The following PAX3 variants were observed in gnomAD, a reference collection of about 807,000 sequenced individuals.
PAX3 encodes paired box 3.
PAX3 carries 14 observed loss-of-function variants against 51.6 expected under a neutral mutation model. The ratio of observed to expected loss-of-function variants is 0.27; its 90% CI spans 0.18 to 0.42. The LOEUF (loss-of-function observed/expected upper bound fraction) is 0.42, where lower values mean the gene tolerates loss of function less well. PAX3 is among the 10% of genes least tolerant of loss of function. PAX3 has a pLI of 1.00. For synonymous variants in PAX3, 280 were observed against 253.4 expected (o/e 1.11, Z -1.00); for missense variants, 540 against 642.8 (o/e 0.84, Z 1.73).
Position 222,298,858 on chromosome 2 carries a change from A to G in PAX3, c.-243T>C. The G allele has an allele frequency of 1.7e-6, 1 of 586,360 alleles. No individual in the cohort carries two copies. The allele number at this position is 586,360 out of a possible 1,614,324, so 36.3% of individuals were successfully genotyped here. A position where few individuals can be genotyped will look rare whatever the true frequency, so the allele number is the denominator to read the frequency against. On this transcript the variant is annotated 5_prime_UTR_variant, in exon 1 of 9. Transcript: ENST00000392070. ...TCCAGGATCCCGAGCCCAGGGCGGA[A>G]AAGTTTGGTACGAGTCTGGGCAAAT...
Position 222,295,590 on chromosome 2 carries a change from C to T in PAX3, c.389G>A (p.Ser130Asn). 6.2e-7 allele frequency: 1 copy of T among 1,614,256 alleles called. No individual in the cohort carries two copies. Among genetic ancestry groups the T allele is most frequent in the Non-Finnish European group, 8.5e-7 (1 of 1,180,042 alleles). Residue 130 changes from serine to asparagine, a missense_variant, in exon 3 of 9, where the codon AGC becomes AAC. Coordinates refer to ENST00000392070, the MANE Select transcript of PAX3 (RefSeq NM_181458.4). Reference sequence around the variant, plus strand: ...GAGTAATTTGTCTCGGATTTCCCAGCTGAACATGCCCGGGTTCTCTCTTTT... The same window carrying T: ...GAGTAATTTGTCTCGGATTTCCCAGTTGAACATGCCCGGGTTCTCTCTTTT... ...EYKRENPGMF[S>N]WEIRDKLLKD...
At chr2:222,280,711 G>T (rs1270981962) in intron 4 of PAX3, among the ~76,000 whole-genome samples, 8 of 152,166 alleles carry the variant, frequency 5.3e-5, no homozygotes, top group Admixed American at 4.6e-4. Flanking sequence ...ACCCAGAGGA[G>T]CCAAGGCCCT....
Position 222,298,770 on chromosome 2 carries a change from C to G in PAX3, c.-155G>C, listed in dbSNP as rs1695450567. 1 of 720,792 alleles carries G rather than the reference C, an allele frequency of 1.4e-6. No individual in the cohort carries two copies. Among genetic ancestry groups the G allele is most frequent in the South Asian group, 1.6e-5 (1 of 60,880 alleles). The allele number at this position is 720,792 out of a possible 1,614,324, so 44.6% of individuals were successfully genotyped here. A position where few individuals can be genotyped will look rare whatever the true frequency, so the allele number is the denominator to read the frequency against. ...GGAGGGACGCGGGGAGGGGGGCTGTCGGTTCCTAGTCCAGAGGCCGGAGCT... is the reference window on the plus strand; with the variant it reads ...GGAGGGACGCGGGGAGGGGGGCTGTGGGTTCCTAGTCCAGAGGCCGGAGCT... On this transcript the variant is annotated 5_prime_UTR_variant, in exon 1 of 9. Transcript: ENST00000392070.
chr2:222,204,698 G>A lies in PAX3; in HGVS notation c.1174-2508C>T, dbSNP rs551789316. ...GAATAAGTTGTGTTAAGCAAAATTC[G>A]AAATCTTAGAAAAAGCAATTTTGTA... On this transcript the variant is annotated intron_variant, in intron 7 of 8. Coordinates refer to ENST00000392070, the MANE Select transcript of PAX3 (RefSeq NM_181458.4). 7.9e-5 allele frequency among the ~76,000 whole-genome samples: 12 copies of A among 152,214 alleles called. No homozygotes were observed. In the East Asian group the frequency reaches 1.5e-3, roughly 20 times the overall value.
At chr2:222,261,887 C>G (rs1336940173) in intron 4 of PAX3, among the ~76,000 whole-genome samples, 1 of 152,182 alleles carries the variant, frequency 6.6e-6, no homozygotes, top group African/African-American at 2.4e-5. Context: ...TTGAGTGTTG[C>G]TTGACAAATT....
chr2:222,267,274 T>C (rs79598758), intron 4 of PAX3, among the ~76,000 whole-genome samples: 5,678 of 152,038 alleles, frequency 0.037, 332 homozygotes, highest in African/African-American at 0.13. Context: ...ACCAAGGAGG[T>C]ATGAGGAGGA....
At chr2:222,259,059 CA>C (rs979151480) in intron 4 of PAX3, among the ~76,000 whole-genome samples, 2 of 151,088 alleles carry the variant, frequency 1.3e-5, no homozygotes, top group African/African-American at 4.9e-5. Flanking sequence ...CTTTTTTTTT[CA>C]AAAAAATAAT....
At chr2:222,278,867 T>C (rs1378953603) in intron 4 of PAX3, among the ~76,000 whole-genome samples, 2 of 152,252 alleles carry the variant, frequency 1.3e-5, no homozygotes, top group Non-Finnish European at 2.9e-5. Context: ...GCTCTCAGCG[T>C]CCTTTAGAAA....
intron 4 of PAX3, among the ~76,000 whole-genome samples, chr2:222,282,656 C>T (rs921362900): frequency 5.3e-5 from 8 of 152,194 alleles, no homozygotes; most frequent in African/African-American, 1.9e-4. Context: ...AAACTACCCA[C>T]AATTTTTCTG....
chr2:222,200,318 C>G lies in PAX3; in HGVS notation c.*1090G>C, dbSNP rs1691244686. ...AAAGTACATGAGAGCCATGTGAACA[C>G]TTCTGTTCTTGCCCTGCCTTTCATA... is the stretch of plus-strand genomic sequence containing the variant. On this transcript the variant is annotated 3_prime_UTR_variant, in exon 9 of 9. Transcript: ENST00000392070. 2 of 220,064 alleles carry G rather than the reference C, an allele frequency of 9.1e-6. No individual in the cohort carries two copies. Among genetic ancestry groups the G allele is most frequent in the Non-Finnish European group, 1.8e-5 (2 of 109,690 alleles). 13.6% of individuals were successfully genotyped at this position (220,064 alleles called of 1,614,324 possible).
intron 5 of PAX3, among the ~76,000 whole-genome samples, chr2:222,230,999 A>G (rs1262340439): frequency 6.6e-6 from 1 of 152,114 alleles, no homozygotes; most frequent in Non-Finnish European, 1.5e-5. Flanking sequence ...CAACTCCTTC[A>G]GAGAACTGTC....
chr2:222,256,897 C>T (rs910759969), intron 4 of PAX3, among the ~76,000 whole-genome samples: 2 of 152,204 alleles, frequency 1.3e-5, no homozygotes, highest in African/African-American at 2.4e-5. Flanking sequence ...CTACTAAACT[C>T]TAAACTTTGC....
chr2:222,295,633 TCTC>T lies in PAX3; in HGVS notation c.343_345del (p.Glu115del). 6.2e-7 allele frequency: 1 copy of T among 1,614,136 alleles called. No homozygotes were observed. The highest frequency in any genetic ancestry group is 1.1e-5 in the South Asian group (1 of 91,078). On this transcript the variant is annotated inframe_deletion, in exon 3 of 9. Coordinates refer to ENST00000392070, the MANE Select transcript of PAX3 (RefSeq NM_181458.4). ...TCTCTTTTGTATTCCTCAATTTTCT[TCTC>T]CACGTCAGGCGTTGTCACCTGCTTT... is the stretch of plus-strand genomic sequence containing the variant.
intron 4 of PAX3, among the ~76,000 whole-genome samples, chr2:222,248,866 A>T (rs1248069474): frequency 6.6e-6 from 1 of 152,156 alleles, no homozygotes; most frequent in Non-Finnish European, 1.5e-5. Context: ...TGCTACAAAA[A>T]ATCTGAGGAA....
intron 4 of PAX3, among the ~76,000 whole-genome samples, chr2:222,258,499 G>A (rs1693731086): frequency 1.3e-5 from 2 of 152,010 alleles, no homozygotes; most frequent in South Asian, 4.2e-4. Flanking sequence ...CCAGAATGAT[G>A]ACACCATCAC....
chr2:222,209,784 G>C (rs559289663), intron 7 of PAX3, among the ~76,000 whole-genome samples: 8 of 148,958 alleles, frequency 5.4e-5, no homozygotes, highest in Admixed American at 4.7e-4. Context: ...CCCAGCTACT[G>C]GGGGGCTAAG....
intron 4 of PAX3, among the ~76,000 whole-genome samples, chr2:222,277,351 A>G (rs1694457579): frequency 6.6e-6 from 1 of 152,210 alleles, no homozygotes; most frequent in Admixed American, 6.5e-5. Context: ...GAAACAAATC[A>G]CAGAAACAAA....
At chr2:222,291,968 A>G (rs368661651) in intron 4 of PAX3, among the ~76,000 whole-genome samples, 177 of 106,988 alleles carry the variant, frequency 1.7e-3, no homozygotes, top group African/African-American at 6.1e-3. Flanking sequence ...TCAGCCTCCA[A>G]GGTGTGTGTG....
intron 4 of PAX3, among the ~76,000 whole-genome samples, chr2:222,241,337 A>G (rs1479822967): frequency 1.3e-5 from 2 of 152,196 alleles, no homozygotes; most frequent in Non-Finnish European, 2.9e-5. Flanking sequence ...CTGTTAATGA[A>G]CTGGGTAATT....
Sources: allele counts gnomAD v4.1 joint callset (sites outside exome capture counted in the v4.1 genomes callset), GRCh38; gene constraint gnomAD v4.1.1; transcripts MANE v1.5; gene names NCBI Gene and HGNC (gene_info 2026-07-23, HGNC 2026-07-21).